SORCS1: variants seen among roughly 807,000 people sequenced by gnomAD.
The protein encoded by SORCS1 is VPS10 domain-containing receptor SorCS1.
SORCS1 carries 60 observed loss-of-function variants against 146.1 expected under a neutral mutation model. That is an observed-to-expected ratio of 0.41 (90% CI 0.33 to 0.51). SORCS1 has a LOEUF of 0.51. SORCS1 is among the 20% of genes least tolerant of loss of function. The probability of loss-of-function intolerance (pLI) is 0.21; values close to 1 mark genes in which losing one functional copy is unlikely to be tolerated. For synonymous variants in SORCS1, 637 were observed against 584.0 expected, an observed-to-expected ratio of 1.09 and a Z score of -1.31; for missense variants, 1,352 against 1,487.6, an observed-to-expected ratio of 0.91 and a Z score of 1.50.
At chr10:107,137,752 C>T (rs1034617967) in intron 1 of SORCS1, among the ~76,000 whole-genome samples, 6 of 151,650 alleles carry the variant, frequency 4.0e-5, no homozygotes, top group Admixed American at 2.6e-4. Context: ...ATCCCAGCTA[C>T]TTGGGAGGCT....
intron 24 of SORCS1, among the ~76,000 whole-genome samples, chr10:106,585,952 C>G (rs758721282): frequency 5.9e-5 from 9 of 152,224 alleles, no homozygotes; most frequent in Non-Finnish European, 1.2e-4. Flanking sequence ...GCTCCCCAAC[C>G]AACAACCCAT....
intron 2 of SORCS1, among the ~76,000 whole-genome samples, chr10:106,906,183 C>T (rs1564795925): frequency 1.3e-5 from 2 of 152,208 alleles, no homozygotes; most frequent in Admixed American, 6.5e-5. Context: ...GGCATGCTCT[C>T]GGCTCACTGC....
chr10:106,961,154 A>C (rs4417196), intron 1 of SORCS1, among the ~76,000 whole-genome samples: 95,994 of 151,724 alleles, frequency 0.63, 30,929 homozygotes, highest in East Asian at 0.72. Flanking sequence ...ACCAAAAGTC[A>C]GTGAAAAATA....
intron 1 of SORCS1, among the ~76,000 whole-genome samples, chr10:107,014,393 T>A (rs1173878712): frequency 6.6e-6 from 1 of 152,274 alleles, no homozygotes; most frequent in South Asian, 2.1e-4. Context: ...AGCCCTCTTG[T>A]GGGGGCCACT....
At chr10:107,113,589 C>T (rs1171242801) in intron 1 of SORCS1, among the ~76,000 whole-genome samples, 1 of 150,020 alleles carries the variant, frequency 6.7e-6, no homozygotes, top group Non-Finnish European at 1.5e-5. Context: ...ACTTGGGAGG[C>T]TGAGGCAGGA....
intron 2 of SORCS1, among the ~76,000 whole-genome samples, chr10:106,892,899 T>C (rs1951291035): frequency 6.6e-6 from 1 of 151,104 alleles, no homozygotes. Context: ...AAAGCCCTTT[T>C]TTTTTTTTTT....
chr10:107,014,738 C>T (rs7911123), intron 1 of SORCS1, among the ~76,000 whole-genome samples: 1 of 152,010 alleles, frequency 6.6e-6, no homozygotes, highest in Admixed American at 6.5e-5. Flanking sequence ...TGGACATTCA[C>T]GTTTGAAGAT....
chr10:107,115,496 C>T (rs747766004), intron 1 of SORCS1, among the ~76,000 whole-genome samples: 65 of 151,962 alleles, frequency 4.3e-4, no homozygotes, highest in Admixed American at 7.2e-4. Context: ...CAAGAATATA[C>T]GGTGAGGGGA....
At chr10:106,722,120 T>TACACACACACACACACACACACACACAC (rs140882766) in intron 6 of SORCS1, among the ~76,000 whole-genome samples, 1 of 144,268 alleles carries the variant, frequency 6.9e-6, no homozygotes, top group African/African-American at 2.6e-5. Context: ...AATATATAAA[T>TACACACACACACACACACACACACACAC]ACACACACAC....
intron 24 of SORCS1, 91 bp from the exon 25 acceptor site, chr10:106,579,565 G>A: frequency 7.6e-7 from 1 of 1,312,572 alleles, no homozygotes; most frequent in Non-Finnish European, 1.1e-6. Context: ...CACAAGCAGA[G>A]GTAAGTCCTG....
chr10:106,872,846 G>A (rs1950462382), intron 2 of SORCS1, among the ~76,000 whole-genome samples: 1 of 152,016 alleles, frequency 6.6e-6, no homozygotes, highest in Admixed American at 6.6e-5. Flanking sequence ...AGAAAATAAT[G>A]GAAAGTAAAG....
At chr10:106,578,799 G>C in intron 25 of SORCS1, 1 of 1,243,166 alleles carries the variant, frequency 8.0e-7, no homozygotes, top group Non-Finnish European at 1.0e-6. Flanking sequence ...CAAATGCTTT[G>C]CTCTTTGCCC....
At chr10:106,644,858 T>TAAA (rs1849309682) in intron 18 of SORCS1, among the ~76,000 whole-genome samples, 1 of 152,250 alleles carries the variant, frequency 6.6e-6, no homozygotes, top group Non-Finnish European at 1.5e-5. Flanking sequence ...CTGTAGTTTA[T>TAAA]GTATTCTACT....
intron 18 of SORCS1, among the ~76,000 whole-genome samples, chr10:106,643,682 C>G (rs1849220368): frequency 6.6e-6 from 1 of 152,186 alleles, no homozygotes; most frequent in African/African-American, 2.4e-5. Context: ...CTTCTTGTGC[C>G]CAGAAGGCAT....
chr10:106,955,342 GCA>G (rs1278905153), intron 2 of SORCS1, among the ~76,000 whole-genome samples: 1 of 152,234 alleles, frequency 6.6e-6, no homozygotes, highest in African/African-American at 2.4e-5. Context: ...CCACAGCCTT[GCA>G]CAGAGCCAAT....
intron 5 of SORCS1, among the ~76,000 whole-genome samples, chr10:106,752,905 G>A (rs1209100462): frequency 6.6e-6 from 1 of 152,078 alleles, no homozygotes; most frequent in African/African-American, 2.4e-5. Context: ...GGGATATGAG[G>A]AATCAGGAAA....
At chr10:107,068,824 C>G (rs972908072) in intron 1 of SORCS1, among the ~76,000 whole-genome samples, 5 of 147,826 alleles carry the variant, frequency 3.4e-5, no homozygotes, top group East Asian at 4.0e-4. Context: ...GAGAAGAGAT[C>G]GTGCCACTGC....
chr10:106,670,904 G>A (rs551540979), intron 16 of SORCS1, among the ~76,000 whole-genome samples: 5 of 151,922 alleles, frequency 3.3e-5, no homozygotes, highest in Non-Finnish European at 7.4e-5. Flanking sequence ...ATGTTTCCCA[G>A]GCTGGTCCCA....
chr10:106,841,155 T>C (rs1949021840), intron 2 of SORCS1, among the ~76,000 whole-genome samples: 1 of 151,284 alleles, frequency 6.6e-6, no homozygotes, highest in Non-Finnish European at 1.5e-5. Flanking sequence ...TGCCCAGCCA[T>C]AAAATATTTT....
Sources: allele counts gnomAD v4.1 joint callset (sites outside exome capture counted in the v4.1 genomes callset), GRCh38; gene constraint gnomAD v4.1.1; transcripts MANE v1.5; gene names NCBI Gene and HGNC (gene_info 2026-07-23, HGNC 2026-07-21).